Variants in PC observed in about 807,000 individuals in gnomAD.
PC encodes pyruvate carboxylase, mitochondrial.
In PC, 46 loss-of-function variants were observed where a neutral mutation model predicts 107.8. The ratio of observed to expected loss-of-function variants is 0.43; its 90% CI spans 0.34 to 0.55. The LOEUF (loss-of-function observed/expected upper bound fraction) is 0.55. Ranked by LOEUF, PC falls within the 20% of genes least tolerant of loss-of-function variation. PC has a pLI of 0.04. For missense variants in PC, 1,241 were observed against 1,643.1 expected (o/e 0.76, Z 4.23); for synonymous variants, 662 against 684.7 (o/e 0.97, Z 0.52).
Position 66,857,233 on chromosome 11 carries a change from G to A in PC, c.1369-3850C>T, listed in dbSNP as rs1457365158. On this transcript the variant is annotated intron_variant, in intron 12 of 22. Coordinates refer to ENST00000393960, the MANE Select transcript of PC (RefSeq NM_001040716.2). The surrounding 1 kb of genome is among the most constrained non-coding windows in gnomAD (Gnocchi z 7.1). ...CGTCCCCGCGGGAGAGCGGCCAGGA[G>A]TCGGCGGGGGCCGGCCGGGCTCGCA... 5.4e-5 allele frequency: 8 copies of A among 148,994 alleles called. No homozygotes were observed. The highest frequency in any genetic ancestry group is 1.1e-4 in the Non-Finnish European group (7 of 66,576). 9.2% of individuals were successfully genotyped at this position (148,994 alleles called of 1,614,324 possible).
intron 3 of PC, among the ~76,000 whole-genome samples, chr11:66,936,480 T>C (rs928557122): frequency 1.6e-4 from 25 of 152,198 alleles, no homozygotes; most frequent in African/African-American, 5.1e-4. Flanking sequence ...GCAATTGCTC[T>C]ATTTTTCTTG....
chr11:66,863,675 G>T, intron 12 of PC, 99 bp downstream of exon 12: 1 of 1,279,558 alleles, frequency 7.8e-7, no homozygotes, highest in Non-Finnish European at 1.1e-6. Context: ...GGGCAAGGCT[G>T]AGGTGAAGCC....
chr11:66,935,936 AG>A (rs1438513575), intron 3 of PC, among the ~76,000 whole-genome samples: 15 of 152,128 alleles, frequency 9.9e-5, no homozygotes, highest in Non-Finnish European at 1.5e-4. Flanking sequence ...AAAACTAGCC[AG>A]GCATGGTGGC....
intron 3 of PC, among the ~76,000 whole-genome samples, chr11:66,885,853 C>A (rs544419747): frequency 6.6e-6 from 1 of 152,288 alleles, no homozygotes; most frequent in South Asian, 2.1e-4. Context: ...CTTTTGGCAC[C>A]CTGTGATGGC....
chr11:66,915,129 C>T (rs557320268), intron 3 of PC, among the ~76,000 whole-genome samples: 1 of 150,266 alleles, frequency 6.7e-6, no homozygotes, highest in Non-Finnish European at 1.5e-5. Context: ...CTCCAGCAAC[C>T]AGACTCCAGC....
At chr11:66,900,993 C>A (rs1700823643) in intron 3 of PC, among the ~76,000 whole-genome samples, 1 of 152,282 alleles carries the variant, frequency 6.6e-6, no homozygotes, top group Non-Finnish European at 1.5e-5. Context: ...TTCCTAATTG[C>A]CCTTTATGAT....
In PC at chr11:66,857,579, C is replaced by G. The variant is rs1047530382; in HGVS notation, c.1369-4196G>C. 2.8e-6 allele frequency: 2 copies of G among 702,000 alleles called. No homozygotes were observed. Among genetic ancestry groups the G allele is most frequent in the Non-Finnish European group, 4.6e-6 (2 of 432,584 alleles). 43.5% of individuals were successfully genotyped at this position (702,000 alleles called of 1,614,324 possible). ...GCTCTGGGGGGCCTGGCCCTGCAGG[C>G]CCCAACCTTCCCTCATCTCTGGCGG... On this transcript the variant is annotated intron_variant, in intron 12 of 22. Transcript: ENST00000393960. This position sits in a 1 kb window ranked among gnomAD's most constrained non-coding sequence, Gnocchi z 7.1.
At chr11:66,887,550 T>G (rs1947418526) in intron 3 of PC, among the ~76,000 whole-genome samples, 1 of 152,096 alleles carries the variant, frequency 6.6e-6, no homozygotes, top group Non-Finnish European at 1.5e-5. Context: ...TAGAAGATAG[T>G]TTGGGACATT....
chr11:66,924,078 T>A (rs796903384), intron 3 of PC, among the ~76,000 whole-genome samples: 51 of 151,496 alleles, frequency 3.4e-4, no homozygotes, highest in African/African-American at 1.2e-3. Context: ...GGCACACACC[T>A]GTAATCCCAG....
At position 66,947,225 on chromosome 11, in the gene PC, T is replaced by G. The variant is rs1478945551; in HGVS notation, c.-1+5205A>C. Among the ~76,000 whole-genome samples the G allele has an allele frequency of 1.3e-5, 2 of 151,854 alleles. 1 individual carries two copies. Among genetic ancestry groups the G allele is most frequent in the Middle Eastern group, 6.3e-3 (2 of 316 alleles). On this transcript the variant is annotated intron_variant, in intron 3 of 22. Transcript: ENST00000393960. ...AGCTTTATTTGTAGATGCCAAAAAG[T>G]AGAAGCACCTGAGATGACCAACAAA...
Position 66,871,623 on chromosome 11 carries a change from C to A in PC, c.321+64G>T. 2 of 1,562,086 alleles carry A rather than the reference C, an allele frequency of 1.3e-6. No homozygotes were observed. Among genetic ancestry groups the A allele is most frequent in the Non-Finnish European group, 1.7e-6 (2 of 1,149,226 alleles). ...CGCTGAGCACGCCAGCCTCAAGAGA[C>A]CCCCGCGGCAACTAAGACTCCCTGG... On this transcript the variant is annotated intron_variant, in intron 5 of 22. Transcript: ENST00000393960. The surrounding 1 kb of genome is among the most constrained non-coding windows in gnomAD (Gnocchi z 7.4).
intron 16 of PC, 53 bp downstream of exon 16, chr11:66,851,737 G>T: frequency 6.3e-7 from 1 of 1,590,126 alleles, no homozygotes; most frequent in East Asian, 2.2e-5. Flanking sequence ...GACATGGCTC[G>T]GTACCCTCTG....
chr11:66,957,227 G>T (rs1949583993), intron 1 of PC, among the ~76,000 whole-genome samples: 1 of 152,260 alleles, frequency 6.6e-6, no homozygotes, highest in Admixed American at 6.5e-5. Context: ...GGTTCTGGTT[G>T]TCATCAGCAA....
At position 66,849,310 on chromosome 11, in the gene PC, G is replaced by C; in HGVS notation, c.3208C>G (p.Arg1070Gly). The C allele has an allele frequency of 6.2e-7, 1 of 1,613,578 alleles. No homozygotes were observed. The highest frequency in any genetic ancestry group is 8.5e-7 in the Non-Finnish European group (1 of 1,180,014). Reference protein sequence around the residue: ...IKALAVSDLNRAGQRQVFFEL... With the variant: ...IKALAVSDLNGAGQRQVFFEL... ...AAGAAGACCTGCCTCTGGCCGGCCC[G>C]GTTCAGGTCGCTCACGGCCAGGGCT... Residue 1070 changes from arginine to glycine, a missense_variant, in exon 22 of 23, where the codon CGG (arginine) becomes GGG (glycine). Arg to Gly is a moderately radical substitution (Grantham distance 125). This residue lies in a region of PC where 1,143 missense variants were observed against 1,551.9 expected (regional missense o/e 0.74). Transcript: ENST00000393960.
intron 21 of PC, 92 bp from the exon 22 acceptor site, chr11:66,849,462 T>C: frequency 1.2e-6 from 2 of 1,604,046 alleles, no homozygotes; most frequent in Admixed American, 3.4e-5. Context: ...CACTGGGCCT[T>C]GGCTCCTCGT....
intron 3 of PC, among the ~76,000 whole-genome samples, chr11:66,892,303 G>A (rs1947606135): frequency 1.3e-5 from 2 of 152,150 alleles, no homozygotes; most frequent in African/African-American, 4.8e-5. Context: ...TTGGCCACAG[G>A]TGTCACCCAA....
intron 3 of PC, among the ~76,000 whole-genome samples, chr11:66,916,966 T>C (rs1361817294): frequency 6.6e-6 from 1 of 150,514 alleles, no homozygotes; most frequent in Non-Finnish European, 1.5e-5. Context: ...AAAAATAAAA[T>C]AAAATAAAAT....
chr11:66,864,384 C>T (rs564143218), intron 11 of PC, among the ~76,000 whole-genome samples: 2 of 152,386 alleles, frequency 1.3e-5, no homozygotes, highest in East Asian at 1.9e-4. Flanking sequence ...TAAAGGGCCT[C>T]GCCGTGGGCT....
chr11:66,883,124 TC>T (rs1947243417), intron 3 of PC, among the ~76,000 whole-genome samples: 1 of 152,046 alleles, frequency 6.6e-6, no homozygotes, highest in Admixed American at 6.5e-5. Context: ...CCAGCAGGGC[TC>T]CTCATCGCCC....
Sources: gnomAD v4.1 joint callset for allele counts (sites outside exome capture counted in the v4.1 genomes callset) on GRCh38, gnomAD v4.1.1 for gene constraint, gnomAD v4.1.1 regional missense constraint, Gnocchi (gnomAD v3.1) non-coding constraint, MANE v1.5 for transcripts, NCBI Gene and HGNC (gene_info 2026-07-23, HGNC 2026-07-21) for gene names.